The following FKBP10 variants were observed in gnomAD, a reference collection of about 807,000 sequenced individuals.
The protein encoded by FKBP10 is peptidyl-prolyl cis-trans isomerase FKBP10.
FKBP10 carries 34 observed loss-of-function variants against 53.7 expected under a neutral mutation model. The observed-to-expected ratio is 0.63, with a 90% CI of 0.48 to 0.84. The LOEUF is 0.84. Among genes scored for constraint, FKBP10 ranks in the 40% least tolerant of loss-of-function variants. FKBP10 has a pLI of 0.00. For missense variants in FKBP10, 748 were observed against 797.8 expected (o/e 0.94, Z 0.75); for synonymous variants, 324 against 335.7 (o/e 0.97, Z 0.38).
Position 41,818,114 on chromosome 17 carries a change from C to T in FKBP10, c.417C>T (p.Thr139=), listed in dbSNP as rs555554330. The T allele has an allele frequency of 7.4e-6, 12 of 1,613,028 alleles. No individual in the cohort carries two copies. The South Asian group carries it at 9.9e-5, about 13-fold the overall frequency. ...CGGGGCTCATTCCACCGGATGCCACCCTCTACTTCGATGTGGTTCTGCTGG... is the reference window on the plus strand; with the variant it reads ...CGGGGCTCATTCCACCGGATGCCACTCTCTACTTCGATGTGGTTCTGCTGG... ...GLAGLIPPDA[T]LYFDVVLLDV... Residue 139 remains threonine (T), a synonymous_variant, in exon 3 of 10, where the codon ACC becomes ACT. Coordinates refer to ENST00000321562, the MANE Select transcript of FKBP10 (RefSeq NM_021939.4).
At position 41,820,819 on chromosome 17, in the gene FKBP10, G is replaced by A. The variant is rs1369754891; in HGVS notation, c.1257-128G>A. 2.4e-5 allele frequency: 32 copies of A among 1,337,742 alleles called. No homozygotes were observed. In the East Asian group the frequency reaches 2.8e-4, roughly 12 times the overall value. The allele number at this position is 1,337,742 out of a possible 1,614,324, so 82.9% of individuals were successfully genotyped here. ...CAGCTGGGCCCCTGCACTCTGCTGC[G>A]TGGCCCAAGTCACCAGTGGGAGTAA... On this transcript the variant is annotated intron_variant, in intron 7 of 9. Coordinates refer to ENST00000321562, the MANE Select transcript of FKBP10 (RefSeq NM_021939.4).
chr17:41,817,298 G>A (rs2047829249), intron 2 of FKBP10, 95 bp downstream of exon 2: 1 of 1,524,478 alleles, frequency 6.6e-7, no homozygotes, highest in African/African-American at 1.4e-5. Context: ...GAGATGAGGA[G>A]TGACTTGCCC....
chr17:41,819,124 C>A (rs2047854394), intron 4 of FKBP10, 86 bp from the exon 5 acceptor site: 2 of 1,363,150 alleles, frequency 1.5e-6, no homozygotes, highest in African/African-American at 1.4e-5. Flanking sequence ...TAGTGTCTTG[C>A]ATGGTGCCCA....
chr17:41,820,041 T>C (rs2047870534), intron 6 of FKBP10: 1 of 1,433,782 alleles, frequency 7.0e-7, no homozygotes, highest in Non-Finnish European at 9.4e-7. Flanking sequence ...ACTGGGAGTT[T>C]GCAAGACGGT....
intron 1 of FKBP10, among the ~76,000 whole-genome samples, chr17:41,816,503 G>T (rs142936259): frequency 2.0e-5 from 3 of 151,892 alleles, no homozygotes; most frequent in Admixed American, 6.6e-5. Context: ...CTGCTCTCCC[G>T]TCTTTTCTTG....
chr17:41,818,799 C>CA (rs1245885415), intron 4 of FKBP10: 2 of 450,754 alleles, frequency 4.4e-6, no homozygotes, highest in African/African-American at 2.1e-5. Flanking sequence ...ACTAAAAATA[C>CA]AAAAAAATTA....
chr17:41,820,295 C>T lies in FKBP10; in HGVS notation c.1090C>T (p.Leu364=), dbSNP rs782794080. 3.4e-5 allele frequency: 55 copies of T among 1,614,070 alleles called. No individual in the cohort carries two copies. The highest frequency in any genetic ancestry group is 4.6e-5 in the Non-Finnish European group (54 of 1,180,048). The change falls in exon 7 of 10, where the codon CTA becomes TTA. Residue 364 remains leucine, a synonymous_variant. Coordinates refer to ENST00000321562, the MANE Select transcript of FKBP10 (RefSeq NM_021939.4). The part of the protein sequence containing the change: ...TGDKIPGSAV[L]IFNVHVIDFH... Reference sequence around the variant, plus strand: ...AGACAAGATCCCTGGCTCTGCCGTGCTAATCTTCAACGTCCATGTCATTGA... The same window carrying T: ...AGACAAGATCCCTGGCTCTGCCGTGTTAATCTTCAACGTCCATGTCATTGA...
At chr17:41,821,632 T>C in intron 8 of FKBP10, 22 bp from the exon 9 acceptor site, 1 of 1,613,112 alleles carries the variant, frequency 6.2e-7, no homozygotes, top group East Asian at 2.2e-5. Context: ...GACCCCTCCC[T>C]TCTCTCCTGC....
intron 9 of FKBP10, 48 bp downstream of exon 9, chr17:41,821,865 C>A: frequency 6.2e-7 from 1 of 1,610,988 alleles, no homozygotes; most frequent in Non-Finnish European, 8.5e-7. Flanking sequence ...AATCCCCGCA[C>A]CCAGGAAGCA....
At chr17:41,820,519 C>T (rs1252115170) in intron 7 of FKBP10, 58 bp downstream of exon 7, 2 of 1,565,422 alleles carry the variant, frequency 1.3e-6, no homozygotes, top group African/African-American at 2.7e-5. Context: ...ATGGGGAGTC[C>T]TCCTCAGTGC....
At chr17:41,815,575 C>G (rs1555615995) in intron 1 of FKBP10, among the ~76,000 whole-genome samples, 2 of 151,838 alleles carry the variant, frequency 1.3e-5, no homozygotes, top group African/African-American at 4.8e-5. Flanking sequence ...ACACCATTCT[C>G]CTGCCTCAGC....
chr17:41,820,458 C>T lies in FKBP10; in HGVS notation c.1253C>T (p.Thr418Ile). 6.2e-7 allele frequency: 1 copy of T among 1,613,772 alleles called. No homozygotes were observed. The change falls in exon 7 of 10, where the codon ACC becomes ATC. Residue 418 changes from threonine (T) to isoleucine (I), a missense_variant. Thr to Ile is a moderately conservative substitution (Grantham distance 89, BLOSUM62 -1). Transcript: ENST00000321562. ...CSLLDGTQLF[T>I]SHDYGAPQEA... ...TTGCTGGACGGCACCCAGCTGTTCA[C>T]CTCGTGGGTCCGGGGGGGGGCCGGG...
intron 7 of FKBP10, 104 bp downstream of exon 7, chr17:41,820,565 G>A: frequency 1.7e-6 from 2 of 1,211,806 alleles, no homozygotes; most frequent in South Asian, 2.5e-5. Context: ...TGGTCCTCGA[G>A]CGCCAGGGGA....
At position 41,820,516 on chromosome 17, in the gene FKBP10, G is replaced by A. The variant is rs186085345; in HGVS notation, c.1256+55G>A. 113 of 1,575,534 alleles carry A rather than the reference G, an allele frequency of 7.2e-5. No individual in the cohort carries two copies. The East Asian group carries it at 2.2e-3, about 30-fold the overall frequency. Reference sequence around the variant, plus strand: ...AGGTGGGTGGGCACAGGCATGGGGAGTCCTCCTCAGTGCACCCCCGACGCC... The same window carrying A: ...AGGTGGGTGGGCACAGGCATGGGGAATCCTCCTCAGTGCACCCCCGACGCC... On this transcript the variant is annotated intron_variant, in intron 7 of 9. Coordinates refer to ENST00000321562, the MANE Select transcript of FKBP10 (RefSeq NM_021939.4).
At chr17:41,815,470 C>CT (rs57675240) in intron 1 of FKBP10, among the ~76,000 whole-genome samples, 3,050 of 141,718 alleles carry the variant, frequency 0.022, 80 homozygotes, top group African/African-American at 0.066. Context: ...ACTTAGAAAA[C>CT]TTTTTTTTTT....
Position 41,818,277 on chromosome 17 carries a change from A to G in FKBP10, c.580A>G (p.Ser194Gly). 6.2e-7 allele frequency: 1 copy of G among 1,613,882 alleles called. No homozygotes were observed. Among genetic ancestry groups the G allele is most frequent in the Non-Finnish European group, 8.5e-7 (1 of 1,180,028 alleles). Reference sequence around the variant, plus strand: ...GCTGGACGGCACCTCCTTCGACACCAGGTGAGGGGCTGGAGGGGAGCCCTG... The same window carrying G: ...GCTGGACGGCACCTCCTTCGACACCGGGTGAGGGGCTGGAGGGGAGCCCTG... The part of the protein sequence containing the change: ...TLLDGTSFDT[S>G]YSKGGTYDTY... The change falls in exon 3 of 10, where the codon AGC becomes GGC. Residue 194 changes from serine to glycine, a missense_variant and splice_region_variant. By Grantham distance (56) the Ser-to-Gly change is moderately conservative (BLOSUM62 0). Transcript: ENST00000321562.
At chr17:41,816,271 G>T (rs1158251516) in intron 1 of FKBP10, among the ~76,000 whole-genome samples, 1 of 103,220 alleles carries the variant, frequency 9.7e-6, no homozygotes, top group African/African-American at 3.8e-5. Flanking sequence ...TCACTCTGTC[G>T]CCAGGCTGGA....
At chr17:41,813,405 C>T (rs1597902673) in intron 1 of FKBP10, 126 bp downstream of exon 1, 9 of 1,214,088 alleles carry the variant, frequency 7.4e-6, no homozygotes, top group East Asian at 2.4e-5. Context: ...CCTGGGGCCT[C>T]CCAGACACCC....
At chr17:41,820,172 C>T (rs906332288) in intron 6 of FKBP10, 97 bp from the exon 7 acceptor site, 6 of 1,393,468 alleles carry the variant, frequency 4.3e-6, no homozygotes, top group South Asian at 1.2e-5. Flanking sequence ...TCCTCAGGGT[C>T]GGGAAGGGGT....
Sources: gnomAD v4.1 joint callset for allele counts (sites outside exome capture counted in the v4.1 genomes callset) on GRCh38, gnomAD v4.1.1 for gene constraint, MANE v1.5 for transcripts, NCBI Gene and HGNC (gene_info 2026-07-23, HGNC 2026-07-21) for gene names.